DAB1: variants seen among roughly 807,000 people sequenced by gnomAD.
DAB1 encodes disabled homolog 1.
DAB1 carries 15 observed loss-of-function variants against 64.6 expected under a neutral mutation model. That is an observed-to-expected ratio of 0.23 (90% CI 0.16 to 0.36). DAB1 has a LOEUF of 0.36. Ranked by LOEUF, DAB1 falls within the 10% of genes least tolerant of loss-of-function variation. The probability of loss-of-function intolerance (pLI) is 1.00; values close to 1 mark genes in which losing one functional copy is unlikely to be tolerated. For synonymous variants in DAB1, 235 were observed against 251.9 expected (o/e 0.93, Z 0.64); for missense variants, 596 against 706.7 (o/e 0.84, Z 1.78).
At chr1:58,372,939 G>A (rs1326769427) in intron 3 of DAB1, among the ~76,000 whole-genome samples, 5 of 151,992 alleles carry the variant, frequency 3.3e-5, no homozygotes, top group Admixed American at 6.6e-5. Context: ...GTCTTGGGTA[G>A]CATCTCTATA....
rs555453701 is a variant in DAB1, at chr1:58,350,275, T to C, written n.258-6872A>G. ...TCCTCTTTTGTGAAATGTCTGCTCATATCCTCTGCACACTTTTTGATGGGG... is the reference window on the plus strand; with the variant it reads ...TCCTCTTTTGTGAAATGTCTGCTCACATCCTCTGCACACTTTTTGATGGGG... On this transcript the variant is annotated intron_variant and non_coding_transcript_variant, in intron 3 of 20. Coordinates refer to the DAB1 transcript ENST00000485760. 3.9e-5 allele frequency among the ~76,000 whole-genome samples: 6 copies of C among 152,350 alleles called. No homozygotes were observed. The East Asian group carries it at 1.2e-3, about 29-fold the overall frequency.
At chr1:57,782,883 G>C (rs944484623) in intron 6 of DAB1, among the ~76,000 whole-genome samples, 1 of 151,850 alleles carries the variant, frequency 6.6e-6, no homozygotes, top group African/African-American at 2.4e-5. Context: ...TCTGCGATGG[G>C]GTTTAGAAAC....
At chr1:57,630,684 C>G (rs1485408559) in intron 7 of DAB1, among the ~76,000 whole-genome samples, 2 of 152,080 alleles carry the variant, frequency 1.3e-5, no homozygotes, top group African/African-American at 4.8e-5. Context: ...ATCCTGGGCA[C>G]CCCACGTGAT....
chr1:58,045,648 CT>C (rs1647224421), intron 5 of DAB1, among the ~76,000 whole-genome samples: 1 of 152,114 alleles, frequency 6.6e-6, no homozygotes. Flanking sequence ...AGCTTTGACC[CT>C]TCTCTTTATC....
At chr1:57,655,660 T>G (rs1646309688) in intron 6 of DAB1, among the ~76,000 whole-genome samples, 1 of 152,108 alleles carries the variant, frequency 6.6e-6, no homozygotes, top group African/African-American at 2.4e-5. Flanking sequence ...CAGATGGCGA[T>G]AAGTGCCACG....
At chr1:58,420,488 T>A (rs1569754687) in intron 3 of DAB1, among the ~76,000 whole-genome samples, 1 of 152,234 alleles carries the variant, frequency 6.6e-6, no homozygotes, top group African/African-American at 2.4e-5. Flanking sequence ...AGTGTATATG[T>A]AGAAACCACC....
intron 4 of DAB1, among the ~76,000 whole-genome samples, chr1:57,136,235 G>T (rs572747736): frequency 2.3e-4 from 35 of 152,248 alleles, no homozygotes; most frequent in Non-Finnish European, 3.5e-4. Flanking sequence ...AGTTGCCAAC[G>T]CACAAAGAAA....
chr1:57,255,175 CT>C, intron 2 of DAB1, among the ~76,000 whole-genome samples: 2 of 152,266 alleles, frequency 1.3e-5, no homozygotes, highest in South Asian at 4.1e-4. Flanking sequence ...CAACTCACTG[CT>C]TCTCCAAGAA....
At chr1:57,758,426 T>TA (rs1648918032) in intron 6 of DAB1, among the ~76,000 whole-genome samples, 1 of 152,200 alleles carries the variant, frequency 6.6e-6, no homozygotes, top group African/African-American at 2.4e-5. Flanking sequence ...AAGATAGACT[T>TA]AAAAAAATCT....
Position 58,048,254 on chromosome 1 carries a change from T to A in DAB1, n.387+102257A>T, listed in dbSNP as rs190444697. ...ACCTTGGTTTCACAGTTTGGCAAAGTATTGGCCTCCACCGCCATAGGGGCC... is the reference window on the plus strand; with the variant it reads ...ACCTTGGTTTCACAGTTTGGCAAAGAATTGGCCTCCACCGCCATAGGGGCC... On this transcript the variant is annotated intron_variant and non_coding_transcript_variant, in intron 5 of 20. Coordinates refer to the DAB1 transcript ENST00000485760. 1.5e-4 allele frequency: 189 copies of A among 1,290,984 alleles called. 1 individual carries two copies. The African/African-American group carries it at 2.4e-3, about 16-fold the overall frequency. 80.0% of individuals were successfully genotyped at this position (1,290,984 alleles called of 1,614,324 possible). A position where few individuals can be genotyped will look rare whatever the true frequency, so the allele number is the denominator to read the frequency against.
chr1:57,238,839 GCGCA>G (rs1668282989), intron 2 of DAB1, among the ~76,000 whole-genome samples: 3 of 89,956 alleles, frequency 3.3e-5, no homozygotes, highest in African/African-American at 1.0e-4. Flanking sequence ...GTGTGCACAT[GCGCA>G]CACACACACA....
chr1:58,412,247 A>G (rs1644678833), intron 3 of DAB1, among the ~76,000 whole-genome samples: 1 of 152,202 alleles, frequency 6.6e-6, no homozygotes, highest in East Asian at 1.9e-4. Context: ...AAGCAGAACC[A>G]TAAGATGGCA....
In DAB1 at chr1:58,192,665, G is replaced by A. The variant is rs550930017; in HGVS notation, n.310-42077C>T. ...TATGTGTATATATGTATATATGTGT[G>A]TGTGTGTATGTATGTCTCGCATTTT... On this transcript the variant is annotated intron_variant and non_coding_transcript_variant, in intron 4 of 20. Coordinates refer to the DAB1 transcript ENST00000485760. Among the ~76,000 whole-genome samples the A allele has an allele frequency of 7.9e-5, 12 of 152,230 alleles. No homozygotes were observed. The East Asian group carries it at 1.9e-3, about 24-fold the overall frequency.
intron 7 of DAB1, among the ~76,000 whole-genome samples, chr1:57,569,129 G>A (rs1252850354): frequency 6.7e-6 from 1 of 149,648 alleles, no homozygotes; most frequent in Non-Finnish European, 1.5e-5. Flanking sequence ...GAGATGGCGG[G>A]CGCCTGTAGT....
intron 6 of DAB1, among the ~76,000 whole-genome samples, chr1:57,772,036 C>T (rs748250618): frequency 1.3e-5 from 2 of 152,114 alleles, no homozygotes; most frequent in African/African-American, 4.8e-5. Context: ...AAAAAGACTG[C>T]ATTGGAAACT....
At chr1:57,607,096 A>G (rs1201778646) in intron 7 of DAB1, among the ~76,000 whole-genome samples, 3 of 152,046 alleles carry the variant, frequency 2.0e-5, no homozygotes, top group East Asian at 1.9e-4. Context: ...GCCTAATCCA[A>G]TATTTTTCAT....
intron 4 of DAB1, among the ~76,000 whole-genome samples, chr1:58,200,218 T>C (rs1480076008): frequency 6.6e-6 from 1 of 152,140 alleles, no homozygotes; most frequent in African/African-American, 2.4e-5. Context: ...CTCAAAATGA[T>C]GGCATTATGA....
intron 9 of DAB1, among the ~76,000 whole-genome samples, chr1:57,057,603 T>C (rs1437570952): frequency 7.0e-6 from 1 of 143,668 alleles, no homozygotes; most frequent in Non-Finnish European, 1.5e-5. Context: ...AGGACTACAC[T>C]GATTCTTTTT....
intron 6 of DAB1, among the ~76,000 whole-genome samples, chr1:57,743,725 A>C (rs1648121681): frequency 6.6e-6 from 1 of 152,206 alleles, no homozygotes; most frequent in South Asian, 2.1e-4. Context: ...CGCTAGAGGA[A>C]TTAAAGACAC....
Sources: allele counts gnomAD v4.1 joint callset (sites outside exome capture counted in the v4.1 genomes callset), GRCh38; gene constraint gnomAD v4.1.1; transcripts MANE v1.5; gene names NCBI Gene and HGNC (gene_info 2026-07-23, HGNC 2026-07-21).